Variants in PLPPR1 observed in about 807,000 individuals in gnomAD.
PLPPR1 encodes the protein phospholipid phosphatase related 1, also known as phospholipid phosphatase-related protein type 1.
In PLPPR1, 10 loss-of-function variants were observed where a neutral mutation model predicts 33.1. The ratio of observed to expected loss-of-function variants is 0.30; its 90% CI spans 0.19 to 0.51. The LOEUF (loss-of-function observed/expected upper bound fraction) is 0.51, where lower values mean the gene tolerates loss of function less well. Among genes scored for constraint, PLPPR1 ranks in the 20% least tolerant of loss-of-function variants. The pLI is 0.97. For synonymous variants in PLPPR1, 151 were observed against 151.0 expected (o/e 1.00, Z 0.00); for missense variants, 304 against 408.1 (o/e 0.74, Z 2.20).
intron 1 of PLPPR1, among the ~76,000 whole-genome samples, chr9:101,176,816 A>C (rs1322169346): frequency 1.3e-5 from 2 of 152,194 alleles, no homozygotes; most frequent in African/African-American, 4.8e-5. Context: ...TTTAATAATC[A>C]CTTTTCATAC....
chr9:101,109,463 G>C (rs200285517), intron 1 of PLPPR1, among the ~76,000 whole-genome samples: 2 of 152,028 alleles, frequency 1.3e-5, no homozygotes. Flanking sequence ...ATCATGTTTC[G>C]TATATCTAAG....
chr9:101,260,096 C>G (rs896534957), intron 2 of PLPPR1, among the ~76,000 whole-genome samples: 8 of 152,052 alleles, frequency 5.3e-5, no homozygotes, highest in African/African-American at 1.9e-4. Flanking sequence ...TTGCTATAAC[C>G]TCACTGAGGC....
At chr9:101,071,582 T>C (rs1830482278) in intron 1 of PLPPR1, among the ~76,000 whole-genome samples, 1 of 147,072 alleles carries the variant, frequency 6.8e-6, no homozygotes, top group Non-Finnish European at 1.5e-5. Flanking sequence ...GAAAAAATCA[T>C]GTGAGAGCAA....
chr9:101,215,543 A>C (rs1283449091), intron 2 of PLPPR1, among the ~76,000 whole-genome samples: 1 of 152,142 alleles, frequency 6.6e-6, no homozygotes, highest in African/African-American at 2.4e-5. Flanking sequence ...TGCAGGGATT[A>C]CAGGTGTGAG....
intron 2 of PLPPR1, among the ~76,000 whole-genome samples, chr9:101,265,051 G>C (rs1041404817): frequency 5.3e-5 from 8 of 152,132 alleles, no homozygotes; most frequent in African/African-American, 1.9e-4. Context: ...AGTTCCTCCA[G>C]ACTTAACAGC....
intron 2 of PLPPR1, among the ~76,000 whole-genome samples, chr9:101,193,342 A>G (rs1826335194): frequency 6.6e-6 from 1 of 152,036 alleles, no homozygotes; most frequent in Admixed American, 6.6e-5. Flanking sequence ...TTCTCTCCCC[A>G]TCCTGCCCTT....
intron 1 of PLPPR1, among the ~76,000 whole-genome samples, chr9:101,134,970 C>G (rs187595048): frequency 6.6e-6 from 1 of 152,242 alleles, no homozygotes; most frequent in Non-Finnish European, 1.5e-5. Context: ...AACTCACACC[C>G]TTCCCCATTT....
intron 1 of PLPPR1, among the ~76,000 whole-genome samples, chr9:101,065,136 G>A (rs377057648): frequency 6.6e-6 from 1 of 152,026 alleles, no homozygotes; most frequent in African/African-American, 2.4e-5. Context: ...CCTTGGACTT[G>A]CAGAGCATTT....
intron 1 of PLPPR1, among the ~76,000 whole-genome samples, chr9:101,182,531 G>A (rs1826133759): frequency 6.6e-6 from 1 of 151,646 alleles, no homozygotes. Context: ...AAAAGTGGGA[G>A]ACAGCTAATG....
rs1383448360 is a variant in PLPPR1 at position 101,286,299 on chromosome 9, C to T, written c.385+63C>T. On this transcript the variant is annotated intron_variant, in intron 4 of 7. Coordinates refer to ENST00000374874, the MANE Select transcript of PLPPR1 (RefSeq NM_207299.2). The stretch of plus-strand genomic sequence containing the variant: ...AAAGTAAAATTACTAAAGGCAAACA[C>T]TTGGTAAAATAAACTATGGAAGTAT... 2.1e-6 allele frequency: 3 copies of T among 1,460,334 alleles called. No homozygotes were observed. In the Admixed American group the frequency reaches 5.9e-5, roughly 29 times the overall value. The allele number at this position is 1,460,334 out of a possible 1,614,324, so 90.5% of individuals were successfully genotyped here.
intron 1 of PLPPR1, among the ~76,000 whole-genome samples, chr9:101,100,168 A>G (rs1391111473): frequency 2.0e-5 from 3 of 152,096 alleles, no homozygotes; most frequent in African/African-American, 2.4e-5. Context: ...ATGAGTTAAT[A>G]TGGGTCCCTA....
intron 4 of PLPPR1, among the ~76,000 whole-genome samples, chr9:101,308,722 T>C (rs1167681031): frequency 6.6e-6 from 1 of 151,520 alleles, no homozygotes; most frequent in Non-Finnish European, 1.5e-5. Context: ...CCTCCCAAGA[T>C]GATTTACATT....
intron 1 of PLPPR1, among the ~76,000 whole-genome samples, chr9:101,035,393 C>T (rs1478038333): frequency 1.3e-5 from 2 of 152,008 alleles, no homozygotes; most frequent in African/African-American, 4.8e-5. Flanking sequence ...AGACTTTTTA[C>T]CCCCCATCCA....
At chr9:101,305,208 T>G (rs996151963) in intron 4 of PLPPR1, among the ~76,000 whole-genome samples, 16 of 151,134 alleles carry the variant, frequency 1.1e-4, no homozygotes, top group African/African-American at 3.7e-4. Context: ...GGTAAAAGTG[T>G]GTGTGTGTGT....
intron 5 of PLPPR1, 89 bp from the exon 6 acceptor site, chr9:101,312,709 T>TATG: frequency 1.0e-6 from 1 of 998,836 alleles, no homozygotes; most frequent in Non-Finnish European, 1.5e-6. Flanking sequence ...CCTGCTTGTG[T>TATG]ATGCTGGTGT....
intron 1 of PLPPR1, among the ~76,000 whole-genome samples, chr9:101,043,056 C>G (rs149036072): frequency 6.6e-6 from 1 of 152,172 alleles, no homozygotes; most frequent in East Asian, 1.9e-4. Context: ...TCTCTCACCC[C>G]CTTCCCACCC....
intron 2 of PLPPR1, among the ~76,000 whole-genome samples, chr9:101,235,373 G>A (rs1334831599): frequency 4.6e-5 from 7 of 151,944 alleles, no homozygotes; most frequent in Non-Finnish European, 7.4e-5. Flanking sequence ...CATTAGTGAT[G>A]CTAGTTCACC....
Position 101,160,757 on chromosome 9 carries a change from G to T in PLPPR1, c.-45-24693G>T, listed in dbSNP as rs114758370. Among the ~76,000 whole-genome samples, 887 of 152,158 alleles carry T rather than the reference G, an allele frequency of 5.8e-3. 10 individuals carry two copies. The highest frequency in any genetic ancestry group is 0.02 in the African/African-American group (828 of 41,514). Reference sequence around the variant, plus strand: ...TATGCAAAAATCGTATGACTGGAAAGAATTTCAAGTTAAATGCAAATATGA... The same window carrying T: ...TATGCAAAAATCGTATGACTGGAAATAATTTCAAGTTAAATGCAAATATGA... On this transcript the variant is annotated intron_variant, in intron 1 of 7. Transcript: ENST00000374874.
chr9:101,192,782 T>G (rs1394403791), intron 2 of PLPPR1, among the ~76,000 whole-genome samples: 1 of 152,132 alleles, frequency 6.6e-6, no homozygotes, highest in African/African-American at 2.4e-5. Flanking sequence ...ATAATATATA[T>G]TAAGGTGGTT....
Sources: gnomAD v4.1 joint callset for allele counts (sites outside exome capture counted in the v4.1 genomes callset) on GRCh38, gnomAD v4.1.1 for gene constraint, MANE v1.5 for transcripts, NCBI Gene and HGNC (gene_info 2026-07-23, HGNC 2026-07-21) for gene names.